Variants in ARB2A observed in about 807,000 individuals in gnomAD.
ARB2A encodes cotranscriptional regulator ARB2A.
the ARB2A span, among the ~76,000 whole-genome samples, chr5:93,957,206 T>G: frequency 1.3e-5 from 2 of 152,116 alleles, no homozygotes; most frequent in African/African-American, 4.8e-5. Context: ...ATATAGACTT[T>G]CCCTGCGAAA....
the ARB2A span, among the ~76,000 whole-genome samples, chr5:93,668,605 T>C: frequency 6.6e-6 from 1 of 152,162 alleles, no homozygotes; most frequent in African/African-American, 2.4e-5. Flanking sequence ...AAATGCAAAT[T>C]TGAGTCCACT....
At chr5:93,816,816 A>G in the ARB2A span, among the ~76,000 whole-genome samples, 1 of 152,320 alleles carries the variant, frequency 6.6e-6, no homozygotes, top group East Asian at 1.9e-4. Flanking sequence ...ATAACCTATC[A>G]GGAATGAAAA....
chr5:93,851,661 T>C, the ARB2A span, among the ~76,000 whole-genome samples: 13 of 152,144 alleles, frequency 8.5e-5, no homozygotes, highest in Admixed American at 8.5e-4. Flanking sequence ...TGTCCATGTG[T>C]TCTCACTGTT....
chr5:93,794,628 T>A, the ARB2A span, among the ~76,000 whole-genome samples: 1,498 of 152,326 alleles, frequency 9.8e-3, 24 homozygotes, highest in African/African-American at 0.034. Context: ...TGTGGTGTTC[T>A]CCCGCTTCCC....
At chr5:93,663,031 A>C in the ARB2A span, among the ~76,000 whole-genome samples, 1 of 152,108 alleles carries the variant, frequency 6.6e-6, no homozygotes, top group African/African-American at 2.4e-5. Flanking sequence ...CCTTTTATAA[A>C]GGGAACCTAA....
At chr5:93,836,113 C>T in the ARB2A span, among the ~76,000 whole-genome samples, 1 of 152,140 alleles carries the variant, frequency 6.6e-6, no homozygotes, top group Admixed American at 6.5e-5. Flanking sequence ...CTGCAAACTC[C>T]GCCTCCCAGG....
chr5:93,821,797 T>C, the ARB2A span, among the ~76,000 whole-genome samples: 1 of 152,102 alleles, frequency 6.6e-6, no homozygotes, highest in Non-Finnish European at 1.5e-5. Flanking sequence ...TACAATGTTA[T>C]TTGCTTAAAG....
At chr5:94,027,402 A>T in the ARB2A span, among the ~76,000 whole-genome samples, 1 of 152,168 alleles carries the variant, frequency 6.6e-6, no homozygotes, top group Non-Finnish European at 1.5e-5. Context: ...CCTCACCTCC[A>T]AGGAGGAGAG....
chr5:93,740,510 G>A, the ARB2A span: 6 of 1,477,472 alleles, frequency 4.1e-6, no homozygotes, highest in East Asian at 9.2e-5. Context: ...GAACCCTAGG[G>A]ACATTTCCTG....
the ARB2A span, among the ~76,000 whole-genome samples, chr5:93,657,044 T>A: frequency 3.3e-5 from 5 of 152,162 alleles, no homozygotes; most frequent in African/African-American, 1.2e-4. Flanking sequence ...GACTTCCATA[T>A]GTCAGAGAGA....
chr5:93,963,948 T>A, the ARB2A span, among the ~76,000 whole-genome samples: 2 of 151,822 alleles, frequency 1.3e-5, no homozygotes, highest in Non-Finnish European at 2.9e-5. Context: ...ATGTGCAAGA[T>A]TCAAAAAAAG....
At chr5:93,667,104 C>T in the ARB2A span, among the ~76,000 whole-genome samples, 1 of 152,132 alleles carries the variant, frequency 6.6e-6, no homozygotes, top group Non-Finnish European at 1.5e-5. Context: ...GAGGTGCATA[C>T]ATCAAAAATT....
At chr5:93,922,589 AAGGGGAGGGGAGGGGAAGGGAGGGG>A in the ARB2A span, among the ~76,000 whole-genome samples, 144 of 118,188 alleles carry the variant, frequency 1.2e-3, no homozygotes, top group Middle Eastern at 4.7e-3. Flanking sequence ...AAGGGAAGGG[AAGGGGAGGGGAGGGGAAGGGAGGGG>A]AGGGGAGGGG....
chr5:93,969,466 C>T, the ARB2A span, among the ~76,000 whole-genome samples: 1 of 151,950 alleles, frequency 6.6e-6, no homozygotes, highest in African/African-American at 2.4e-5. Flanking sequence ...ATGGAAGTGA[C>T]AGAAAAATAA....
chr5:93,805,311 C>T, the ARB2A span: 1 of 985,080 alleles, frequency 1.0e-6, no homozygotes. Context: ...TGCTCCTTCA[C>T]TATATAAAGG....
chr5:93,896,679 T>C, the ARB2A span, among the ~76,000 whole-genome samples: 1 of 152,106 alleles, frequency 6.6e-6, no homozygotes, highest in Middle Eastern at 3.4e-3. Flanking sequence ...GGAAGGAAAA[T>C]GGAATTAACT....
At chr5:93,776,042 A>G in the ARB2A span, 1 of 807,574 alleles carries the variant, frequency 1.2e-6, no homozygotes, top group Non-Finnish European at 2.0e-6. Flanking sequence ...CCAATAATTC[A>G]TCTAACAACT....
At chr5:93,644,722 C>G in the ARB2A span, among the ~76,000 whole-genome samples, 1 of 151,994 alleles carries the variant, frequency 6.6e-6, no homozygotes, top group African/African-American at 2.4e-5. Context: ...ATCCAGTATT[C>G]CTGGTTGTAT....
At chr5:93,805,561 T>C in the ARB2A span, 8 of 985,062 alleles carry the variant, frequency 8.1e-6, no homozygotes, top group Non-Finnish European at 3.6e-6. Flanking sequence ...TCATACAGCA[T>C]CCTTCCTGAT....
Sources: allele counts gnomAD v4.1 joint callset (sites outside exome capture counted in the v4.1 genomes callset), GRCh38; gene constraint gnomAD v4.1.1; transcripts MANE v1.5; gene names NCBI Gene and HGNC (gene_info 2026-07-23, HGNC 2026-07-21).